USH2A: variants seen among roughly 807,000 people sequenced by gnomAD.
USH2A encodes usherin, also known as Usher syndrome 2A (autosomal recessive, mild).
A neutral mutation model predicts 538.9 loss-of-function variants in USH2A; 443 were observed. The ratio of observed to expected loss-of-function variants is 0.82; its 90% CI spans 0.76 to 0.89. The LOEUF is 0.89. Ranked by LOEUF, USH2A falls within the 40% of genes least tolerant of loss-of-function variation. The probability of loss-of-function intolerance (pLI) is 0.00; values close to 1 mark genes in which losing one functional copy is unlikely to be tolerated. For missense variants in USH2A, 6,633 were observed against 6,324.8 expected, an observed-to-expected ratio of 1.05 and a Z score of -1.65; for synonymous variants, 2,413 against 2,273.5, an observed-to-expected ratio of 1.06 and a Z score of -1.75.
chr1:216,109,519 T>G (rs2032816288), intron 21 of USH2A, among the ~76,000 whole-genome samples: 1 of 152,184 alleles, frequency 6.6e-6, no homozygotes, highest in South Asian at 2.1e-4. Flanking sequence ...AAGATATTTC[T>G]TTAGTCTGGT....
Position 216,201,687 on chromosome 1 carries a change from T to C in USH2A, c.3317-1566A>G, listed in dbSNP as rs1188347597. On this transcript the variant is annotated intron_variant, in intron 16 of 71. Transcript: ENST00000307340. ...TCAGTGGAGGAGGCCTCCGCTGGTG[T>C]TGTGGGGGGCACCTTGGGCACTGAC... is the stretch of plus-strand genomic sequence containing the variant. 4.4e-5 allele frequency: 9 copies of C among 205,644 alleles called. No individual in the cohort carries two copies. The South Asian group carries it at 6.4e-4, about 15-fold the overall frequency. 12.7% of individuals were successfully genotyped at this position (205,644 alleles called of 1,614,324 possible).
chr1:215,722,045 A>T (rs1447332902), intron 61 of USH2A, among the ~76,000 whole-genome samples: 1 of 147,650 alleles, frequency 6.8e-6, no homozygotes, highest in East Asian at 2.0e-4. Context: ...AGCCTGTGTG[A>T]CAGAGCAAGA....
At chr1:215,637,186 C>T (rs1169403811) in intron 69 of USH2A, among the ~76,000 whole-genome samples, 1 of 152,124 alleles carries the variant, frequency 6.6e-6, no homozygotes, top group Non-Finnish European at 1.5e-5. Context: ...CAACACACTT[C>T]CCATTCACCA....
At chr1:215,703,114 C>T (rs893743303) in intron 61 of USH2A, among the ~76,000 whole-genome samples, 14 of 152,144 alleles carry the variant, frequency 9.2e-5, no homozygotes, top group African/African-American at 3.1e-4. Flanking sequence ...CACTCCAGAC[C>T]CTGTTTGCCT....
intron 33 of USH2A, among the ~76,000 whole-genome samples, chr1:216,000,029 C>T (rs76100853): frequency 2.0e-5 from 3 of 152,036 alleles, no homozygotes. Context: ...TTTCTGACAT[C>T]AACTGCAGGT....
intron 34 of USH2A, 25 bp from the exon 35 acceptor site, chr1:215,993,192 A>G: frequency 6.2e-7 from 1 of 1,614,048 alleles, no homozygotes; most frequent in Non-Finnish European, 8.5e-7. Flanking sequence ...AAAAATGCTC[A>G]TTTCACTCTT....
intron 64 of USH2A, 131 bp downstream of exon 64, chr1:215,670,841 A>T: frequency 1.1e-6 from 1 of 937,926 alleles, no homozygotes; most frequent in Non-Finnish European, 1.6e-6. Flanking sequence ...AAAAATTTTT[A>T]AGGAATATTA....
intron 15 of USH2A, among the ~76,000 whole-genome samples, chr1:216,217,106 T>C (rs995128026): frequency 6.6e-6 from 1 of 152,146 alleles, no homozygotes; most frequent in Non-Finnish European, 1.5e-5. Flanking sequence ...AGACCCTTGG[T>C]CTGGGAAAAC....
In USH2A at chr1:215,680,199, C is replaced by T. The variant is rs771388400; in HGVS notation, c.12244G>A (p.Ala4082Thr). 1 of 1,614,156 alleles carries T rather than the reference C, an allele frequency of 6.2e-7. No homozygotes were observed. The highest frequency in any genetic ancestry group is 8.5e-7 in the Non-Finnish European group (1 of 1,180,014). The change falls in exon 62 of 72, where the codon GCA becomes ACA. Residue 4082 changes from alanine to threonine, a missense_variant. By Grantham distance (58) the Ala-to-Thr change is moderately conservative. Transcript: ENST00000307340. ...FIVEQKENGR[A>T]LLLQWSEPMR... ...GGTTCTGACCACTGTAGTAGCAATG[C>T]CCGGCCATTCTCTTTCTGTTCTACT...
At position 215,648,599 on chromosome 1, in the gene USH2A, G is replaced by A. The variant is rs139847770; in HGVS notation, c.14511C>T (p.Ile4837=). The A allele has an allele frequency of 4.5e-5, 73 of 1,614,068 alleles. No homozygotes were observed. Among genetic ancestry groups the A allele is most frequent in the Non-Finnish European group, 5.4e-5 (64 of 1,180,036 alleles). Residue 4837 remains isoleucine, a synonymous_variant, in exon 66 of 72, where the codon ATC becomes ATT. Transcript: ENST00000307340. ...APPSGLSSPQ[I]GTLASRTASF... is the part of the protein sequence containing the mutation. Reference sequence around the variant, plus strand: ...AGGCCGTCCTTGAGGCCAGCGTCCCGATTTGTGGAGAGGACAGTCCTGAGG... The same window carrying A: ...AGGCCGTCCTTGAGGCCAGCGTCCCAATTTGTGGAGAGGACAGTCCTGAGG...
intron 3 of USH2A, among the ~76,000 whole-genome samples, chr1:216,401,354 C>A (rs2039300595): frequency 1.3e-5 from 2 of 151,810 alleles, no homozygotes; most frequent in Admixed American, 1.3e-4. Context: ...TAACCTACAG[C>A]AAGGTCAGAA....
chr1:216,132,035 T>G (rs1312023155), intron 21 of USH2A, among the ~76,000 whole-genome samples: 1 of 152,036 alleles, frequency 6.6e-6, no homozygotes, highest in African/African-American at 2.4e-5. Flanking sequence ...ACCTAGAAAT[T>G]TGTGTCCACA....
At chr1:215,884,096 A>G (rs555149085) in intron 41 of USH2A, among the ~76,000 whole-genome samples, 2 of 152,280 alleles carry the variant, frequency 1.3e-5, no homozygotes, top group Admixed American at 6.5e-5. Flanking sequence ...GAGGGAGAGC[A>G]TTAGGACAAA....
intron 29 of USH2A, 44 bp from the exon 30 acceptor site, chr1:216,070,336 A>T (rs374359242): frequency 3.7e-5 from 59 of 1,574,560 alleles, no homozygotes; most frequent in Non-Finnish European, 5.2e-5. Flanking sequence ...GGCAGTTCTG[A>T]GAAGACTATT....
chr1:216,100,052 A>C (rs184599296), intron 21 of USH2A, among the ~76,000 whole-genome samples: 81 of 152,334 alleles, frequency 5.3e-4, no homozygotes, highest in Non-Finnish European at 1.3e-4. Context: ...GATCAAGATA[A>C]TATTGTAAAA....
chr1:216,297,873 G>A (rs568641449), intron 9 of USH2A, among the ~76,000 whole-genome samples: 11 of 152,212 alleles, frequency 7.2e-5, no homozygotes, highest in African/African-American at 2.6e-4. Context: ...CCTATGTGTG[G>A]GGACGATATG....
At chr1:216,384,900 G>C (rs1168931640) in intron 3 of USH2A, among the ~76,000 whole-genome samples, 1 of 152,170 alleles carries the variant, frequency 6.6e-6, no homozygotes, top group Admixed American at 6.5e-5. Flanking sequence ...TAAGCACCTA[G>C]GCGCTTAACT....
At chr1:216,349,217 C>T (rs1479435074) in intron 4 of USH2A, among the ~76,000 whole-genome samples, 1 of 151,924 alleles carries the variant, frequency 6.6e-6, no homozygotes, top group Non-Finnish European at 1.5e-5. Context: ...GACAAGAGAC[C>T]CTAATTGTTA....
chr1:215,924,024 C>T (rs1666171333), intron 38 of USH2A, among the ~76,000 whole-genome samples: 2 of 151,920 alleles, frequency 1.3e-5, no homozygotes, highest in African/African-American at 4.8e-5. Flanking sequence ...CCACACCCAG[C>T]CCATTCGTTT....
Sources: allele counts gnomAD v4.1 joint callset (sites outside exome capture counted in the v4.1 genomes callset), GRCh38; gene constraint gnomAD v4.1.1; transcripts MANE v1.5; gene names NCBI Gene and HGNC (gene_info 2026-07-23, HGNC 2026-07-21).